Variants in SLC15A1 observed in about 807,000 individuals in gnomAD.
SLC15A1 encodes solute carrier family 15 member 1, also known as Caco-2 oligopeptide transporter.
Under a neutral mutation model 92.9 loss-of-function variants are expected in SLC15A1, and 83 were observed. That is an observed-to-expected ratio of 0.89 (90% CI 0.75 to 1.07). The LOEUF (loss-of-function observed/expected upper bound fraction) is 1.07, where lower values mean the gene tolerates loss of function less well. Among genes scored for constraint, SLC15A1 ranks in the 50% least tolerant of loss-of-function variants. SLC15A1 has a pLI of 0.00. For missense variants in SLC15A1, 857 were observed against 880.1 expected (o/e 0.97, Z 0.33); for synonymous variants, 322 against 318.2 (o/e 1.01, Z -0.13).
chr13:98,701,913 G>A (rs1310171228), intron 18 of SLC15A1, among the ~76,000 whole-genome samples: 1 of 152,022 alleles, frequency 6.6e-6, no homozygotes, highest in African/African-American at 2.4e-5. Context: ...GGGCTCAAGA[G>A]ATCCACCTGC....
intron 1 of SLC15A1, among the ~76,000 whole-genome samples, chr13:98,727,992 G>A (rs1404907738): frequency 6.6e-6 from 1 of 152,222 alleles, no homozygotes; most frequent in East Asian, 1.9e-4. Context: ...TCCTGGAGTT[G>A]TTGATTCTGT....
At chr13:98,746,861 A>G (rs1369733765) in intron 1 of SLC15A1, among the ~76,000 whole-genome samples, 1 of 152,188 alleles carries the variant, frequency 6.6e-6, no homozygotes, top group African/African-American at 2.4e-5. Flanking sequence ...TCTAGGAACC[A>G]GGAGAGGAAC....
At chr13:98,717,557 G>A (rs1478129831) in intron 8 of SLC15A1, among the ~76,000 whole-genome samples, 3 of 152,140 alleles carry the variant, frequency 2.0e-5, no homozygotes, top group Non-Finnish European at 4.4e-5. Flanking sequence ...CAAGACTTTT[G>A]GAAATGCTCT....
chr13:98,721,008 C>T (rs573212786), intron 7 of SLC15A1: 19 of 401,234 alleles, frequency 4.7e-5, no homozygotes, highest in Non-Finnish European at 7.0e-5. Context: ...GCCAAGATCA[C>T]GCCACTGCGC....
At chr13:98,716,164 T>C (rs994277122) in intron 8 of SLC15A1, among the ~76,000 whole-genome samples, 7 of 152,194 alleles carry the variant, frequency 4.6e-5, no homozygotes, top group Non-Finnish European at 8.8e-5. Flanking sequence ...GTTAGGTTTG[T>C]CTTCTAATAT....
intron 1 of SLC15A1, among the ~76,000 whole-genome samples, chr13:98,741,950 G>A (rs1432123054): frequency 6.6e-6 from 1 of 152,196 alleles, no homozygotes; most frequent in Non-Finnish European, 1.5e-5. Context: ...GAAACCATGT[G>A]GGGAAACTGG....
At chr13:98,711,775 T>C (rs2088164678) in intron 11 of SLC15A1, 79 bp downstream of exon 11, 1 of 984,778 alleles carries the variant, frequency 1.0e-6, no homozygotes, top group Non-Finnish European at 1.6e-6. Context: ...ATGTGAAATA[T>C]GAAGTGAGCC....
rs757618148 is a variant in SLC15A1 at position 98,721,797 on chromosome 13, C to G, written c.465+7G>C. On this transcript the variant is annotated splice_region_variant and intron_variant, in intron 6 of 22. Coordinates refer to ENST00000376503, the MANE Select transcript of SLC15A1 (RefSeq NM_005073.4). ...CACGTGGGCTCTGGGGAGGCCCCTACCCTTACCTGGCCCTCTTCAAACTGA... is the reference window on the plus strand; with the variant it reads ...CACGTGGGCTCTGGGGAGGCCCCTAGCCTTACCTGGCCCTCTTCAAACTGA... 3 of 1,613,312 alleles carry G rather than the reference C, an allele frequency of 1.9e-6. No homozygotes were observed. The African/African-American group carries it at 4.0e-5, about 22-fold the overall frequency.
At chr13:98,698,056 G>GA (rs1477731276) in intron 18 of SLC15A1, among the ~76,000 whole-genome samples, 7 of 151,744 alleles carry the variant, frequency 4.6e-5, no homozygotes, top group African/African-American at 7.3e-5. Flanking sequence ...AGGTTACGGG[G>GA]AAAAAAAATA....
intron 7 of SLC15A1, 144 bp downstream of exon 7, chr13:98,721,351 T>A (rs189076076): frequency 1.4e-6 from 1 of 721,872 alleles, no homozygotes; most frequent in Non-Finnish European, 2.6e-6. Flanking sequence ...AGGAAGCACT[T>A]ACTCCAGATT....
Position 98,719,246 on chromosome 13 carries a change from C to CA in SLC15A1, c.630dup (p.Val211CysfsTer25). ...ACCGATTTCCACTTACTCAGGGCTA[C>CA]AGCCATGAGAGCAGCAGGAACCCCA... is the stretch of plus-strand genomic sequence containing the variant. On this transcript the variant is annotated frameshift_variant, in exon 8 of 23. Transcript: ENST00000376503. LOFTEE classifies it high-confidence loss of function. 1 of 1,611,466 alleles carries CA rather than the reference C, an allele frequency of 6.2e-7. No individual in the cohort carries two copies. Among genetic ancestry groups the CA allele is most frequent in the Non-Finnish European group, 8.5e-7 (1 of 1,177,702 alleles).
rs2087949760 is a variant in SLC15A1, at chr13:98,688,489, G to T, written c.1555C>A (p.Gln519Lys). The change falls in exon 19 of 23, where the codon CAG becomes AAG. Residue 519 changes from glutamine to lysine, a missense_variant. Gln to Lys is a moderately conservative substitution (Grantham distance 53). Coordinates refer to ENST00000376503, the MANE Select transcript of SLC15A1 (RefSeq NM_005073.4). ...NISSYNASTYQFFPSGIKGFT... is the reference protein window; with the variant it reads ...NISSYNASTYKFFPSGIKGFT... Reference sequence around the variant, plus strand: ...ACTTACATGCCAGAAGGAAAAAACTGGTATGTGCTGGCATTGTAGCTGCTG... The same window carrying T: ...ACTTACATGCCAGAAGGAAAAAACTTGTATGTGCTGGCATTGTAGCTGCTG... 6.2e-7 allele frequency: 1 copy of T among 1,613,732 alleles called. No homozygotes were observed. Among genetic ancestry groups the T allele is most frequent in the Non-Finnish European group, 8.5e-7 (1 of 1,179,760 alleles).
intron 21 of SLC15A1, among the ~76,000 whole-genome samples, chr13:98,686,854 C>G (rs1473794224): frequency 6.6e-6 from 1 of 151,996 alleles, no homozygotes; most frequent in Non-Finnish European, 1.5e-5. Context: ...CAACACAGTT[C>G]AATAATTAAG....
intron 1 of SLC15A1, among the ~76,000 whole-genome samples, chr13:98,748,315 C>T (rs1337572592): frequency 6.6e-6 from 1 of 152,132 alleles, no homozygotes; most frequent in Non-Finnish European, 1.5e-5. Context: ...TTGCTTCAGA[C>T]ACAGTTTCTC....
chr13:98,728,979 AAAAAAAAAAAAAAAAAAAAAAAAAAAAC>A (rs2088324578), intron 1 of SLC15A1, among the ~76,000 whole-genome samples: 2 of 104,090 alleles, frequency 1.9e-5, no homozygotes, highest in African/African-American at 8.2e-5. Flanking sequence ...AGGCTCTGTA[AAAAAAAAAAAAAAAAAAAAAAAAAAAAC>A]AACAAGCCCC....
At chr13:98,692,177 A>T (rs2087985588) in intron 18 of SLC15A1, among the ~76,000 whole-genome samples, 1 of 111,200 alleles carries the variant, frequency 9.0e-6, no homozygotes, top group Admixed American at 1.3e-4. Context: ...TTTTTAAGAC[A>T]AGGCCTCACT....
In SLC15A1 at chr13:98,715,927, T is replaced by A. The variant is rs752929382; in HGVS notation, c.674A>T (p.Lys225Met). The change falls in exon 9 of 23, where the codon AAG becomes ATG. Residue 225 changes from lysine (K) to methionine (M), a missense_variant. Lys to Met is a moderately conservative substitution (Grantham distance 95). Coordinates refer to ENST00000376503, the MANE Select transcript of SLC15A1 (RefSeq NM_005073.4). ...VFVLGSGMYK[K>M]FKPQGNIMGK... ...CATGATGTTGCCCTGTGGCTTGAAC[T>A]TCTTGTACATCCCACTGCCAAGGAC... The A allele has an allele frequency of 1.2e-6, 2 of 1,614,044 alleles. No homozygotes were observed. Among genetic ancestry groups the A allele is most frequent in the African/African-American group, 2.7e-5 (2 of 74,904 alleles).
At chr13:98,730,233 AAGGGAAGGG>A in intron 1 of SLC15A1, among the ~76,000 whole-genome samples, 1 of 64,258 alleles carries the variant, frequency 1.6e-5, no homozygotes, top group African/African-American at 7.3e-5. Context: ...AGGGAAGGGG[AAGGGAAGGG>A]GAAGGGGAGG....
intron 1 of SLC15A1, among the ~76,000 whole-genome samples, chr13:98,740,561 C>G (rs994621308): frequency 6.6e-6 from 1 of 152,146 alleles, no homozygotes; most frequent in Non-Finnish European, 1.5e-5. Flanking sequence ...TCTGCCTCCT[C>G]GGCTTCCCAA....
Sources: allele counts gnomAD v4.1 joint callset (sites outside exome capture counted in the v4.1 genomes callset), GRCh38; gene constraint gnomAD v4.1.1; transcripts MANE v1.5; gene names NCBI Gene and HGNC (gene_info 2026-07-23, HGNC 2026-07-21).